Variants in GABRB1 observed in about 807,000 individuals in gnomAD.
GABRB1 encodes gamma-aminobutyric acid type A receptor subunit beta1.
GABRB1 carries 17 observed loss-of-function variants against 51.6 expected under a neutral mutation model. The observed-to-expected ratio is 0.33, with a 90% CI of 0.23 to 0.49. GABRB1 has a LOEUF of 0.49. GABRB1 is among the 20% of genes least tolerant of loss of function. The probability of loss-of-function intolerance (pLI) is 0.99; values close to 1 mark genes in which losing one functional copy is unlikely to be tolerated. For synonymous variants in GABRB1, 247 were observed against 218.9 expected (o/e 1.13, Z -1.14); for missense variants, 410 against 600.6 (o/e 0.68, Z 3.32).
At chr4:47,074,338 T>A (rs1292840780) in intron 3 of GABRB1, among the ~76,000 whole-genome samples, 1 of 152,234 alleles carries the variant, frequency 6.6e-6, no homozygotes, top group Non-Finnish European at 1.5e-5. Flanking sequence ...ATTTTGTAGC[T>A]TTTTGAAAAT....
Position 47,032,314 on chromosome 4 carries a change from G to C in GABRB1, c.173-103G>C, listed in dbSNP as rs1725354126. 6 of 1,074,718 alleles carry C rather than the reference G, an allele frequency of 5.6e-6. No homozygotes were observed. In the Admixed American group the frequency reaches 6.8e-5, roughly 12 times the overall value. 66.6% of individuals were successfully genotyped at this position (1,074,718 alleles called of 1,614,324 possible). ...AAGGGGTGGTGGGGGGAGCAGGGAGGGAGCCCGTTAAGAATGGAGTAAGGG... is the reference window on the plus strand; with the variant it reads ...AAGGGGTGGTGGGGGGAGCAGGGAGCGAGCCCGTTAAGAATGGAGTAAGGG... On this transcript the variant is annotated intron_variant, in intron 2 of 8. Coordinates refer to ENST00000295454, the MANE Select transcript of GABRB1 (RefSeq NM_000812.4).
rs144373043 is a variant in GABRB1, at chr4:47,035,890, C to G, written c.240+3406C>G. 9.1e-3 allele frequency among the ~76,000 whole-genome samples: 1,388 copies of G among 152,272 alleles called. 18 individuals carry two copies. The highest frequency in any genetic ancestry group is 0.031 in the African/African-American group (1,277 of 41,540). On this transcript the variant is annotated intron_variant, in intron 3 of 8. Transcript: ENST00000295454. ...ACTCTTGTATTTCAAATTCCAGTGA[C>G]TAGCTGTTCCTTTTTATTCAAGAGG...
intron 4 of GABRB1, among the ~76,000 whole-genome samples, chr4:47,286,570 T>A (rs1268540442): frequency 7.0e-6 from 1 of 142,906 alleles, no homozygotes; most frequent in Non-Finnish European, 1.5e-5. Flanking sequence ...GTATGTTGTA[T>A]TCAACTGTGC....
chr4:47,149,568 A>T (rs1472169830), intron 3 of GABRB1, among the ~76,000 whole-genome samples: 1 of 151,986 alleles, frequency 6.6e-6, no homozygotes, highest in Non-Finnish European at 1.5e-5. Flanking sequence ...CTGAATGTCT[A>T]TTTTAGCCAA....
At chr4:47,333,582 G>A (rs1051112574) in intron 5 of GABRB1, among the ~76,000 whole-genome samples, 37 of 152,054 alleles carry the variant, frequency 2.4e-4, no homozygotes, top group Admixed American at 2.3e-3. Context: ...GGGCATGGTG[G>A]CATACACCTG....
intron 3 of GABRB1, among the ~76,000 whole-genome samples, chr4:47,132,849 C>T (rs143553831): frequency 3.9e-5 from 6 of 152,314 alleles, no homozygotes; most frequent in African/African-American, 1.2e-4. Flanking sequence ...CTTCAGAACA[C>T]ATCCCATCTT....
chr4:47,138,327 G>A (rs1350687835), intron 3 of GABRB1, among the ~76,000 whole-genome samples: 1 of 152,008 alleles, frequency 6.6e-6, no homozygotes, highest in African/African-American at 2.4e-5. Flanking sequence ...AGCCAATTCA[G>A]CTCGATCAAT....
intron 1 of GABRB1, among the ~76,000 whole-genome samples, chr4:47,003,981 G>GT (rs374011100): frequency 1.8e-3 from 269 of 151,862 alleles, no homozygotes; most frequent in Middle Eastern, 6.8e-3. Flanking sequence ...ACGTTCTTTT[G>GT]TTTTTTTTGT....
chr4:47,263,372 C>G (rs144979867), intron 4 of GABRB1, among the ~76,000 whole-genome samples: 85 of 152,110 alleles, frequency 5.6e-4, no homozygotes, highest in African/African-American at 1.8e-3. Context: ...CTGTAACACA[C>G]AAGCAGTAAA....
intron 8 of GABRB1, 46 bp downstream of exon 8, chr4:47,406,972 G>A (rs1003137152): frequency 1.3e-6 from 2 of 1,560,776 alleles, no homozygotes; most frequent in Non-Finnish European, 1.8e-6. Flanking sequence ...AAATTTATCA[G>A]CATCATGATG....
At chr4:47,133,537 G>T (rs955891482) in intron 3 of GABRB1, among the ~76,000 whole-genome samples, 5 of 152,170 alleles carry the variant, frequency 3.3e-5, no homozygotes, top group Non-Finnish European at 5.9e-5. Flanking sequence ...AATCCAGGAG[G>T]ACACATGGCA....
rs532997320 is a variant in GABRB1 at position 47,191,021 on chromosome 4, C to A, written c.461+29552C>A. 1.3e-3 allele frequency among the ~76,000 whole-genome samples: 204 copies of A among 152,166 alleles called. 2 individuals carry two copies. Among genetic ancestry groups the A allele is most frequent in the South Asian group, 7.5e-3 (36 of 4,814 alleles). On this transcript the variant is annotated intron_variant, in intron 4 of 8. Coordinates refer to ENST00000295454, the MANE Select transcript of GABRB1 (RefSeq NM_000812.4). ...CAAATTTTTAAAAATCAGGTCTTTT[C>A]GGGTCATTAAGCTCCCAGCAAAGCA...
intron 4 of GABRB1, among the ~76,000 whole-genome samples, chr4:47,275,066 C>T (rs1723027249): frequency 6.6e-6 from 1 of 152,136 alleles, no homozygotes; most frequent in Non-Finnish European, 1.5e-5. Context: ...TTGGCAACTT[C>T]CAATTAAGCC....
intron 3 of GABRB1, among the ~76,000 whole-genome samples, chr4:47,076,571 T>C (rs1727558113): frequency 6.6e-6 from 1 of 152,080 alleles, no homozygotes; most frequent in Non-Finnish European, 1.5e-5. Context: ...TCTTTCTCTA[T>C]TGTCTTCGGT....
chr4:47,003,079 T>TA (rs34059067), intron 1 of GABRB1, among the ~76,000 whole-genome samples: 39 of 151,878 alleles, frequency 2.6e-4, no homozygotes, highest in Non-Finnish European at 3.7e-4. Context: ...TGCTTTATAA[T>TA]AAAAAAAAAC....
chr4:47,229,580 A>G (rs1311561858), intron 4 of GABRB1, among the ~76,000 whole-genome samples: 1 of 152,186 alleles, frequency 6.6e-6, no homozygotes, highest in Admixed American at 6.5e-5. Flanking sequence ...ATATTAACTT[A>G]TTATATTACT....
intron 4 of GABRB1, among the ~76,000 whole-genome samples, chr4:47,213,049 A>G (rs1483365933): frequency 6.6e-6 from 1 of 151,970 alleles, no homozygotes; most frequent in Non-Finnish European, 1.5e-5. Context: ...TGCTGCTTTC[A>G]CTCACCTTAC....
At chr4:47,084,111 C>A (rs1727966756) in intron 3 of GABRB1, among the ~76,000 whole-genome samples, 1 of 152,026 alleles carries the variant, frequency 6.6e-6, no homozygotes, top group South Asian at 2.1e-4. Flanking sequence ...GAATGTAAAC[C>A]AGCTATGGTT....
At chr4:47,035,724 G>A (rs1725524957) in intron 3 of GABRB1, among the ~76,000 whole-genome samples, 1 of 152,214 alleles carries the variant, frequency 6.6e-6, no homozygotes, top group South Asian at 2.1e-4. Context: ...GGAGACAAGA[G>A]CTCCCAGAAA....
Sources: gnomAD v4.1 joint callset for allele counts (sites outside exome capture counted in the v4.1 genomes callset) on GRCh38, gnomAD v4.1.1 for gene constraint, MANE v1.5 for transcripts, NCBI Gene and HGNC (gene_info 2026-07-23, HGNC 2026-07-21) for gene names.